VSIG1: variants seen among roughly 807,000 people sequenced by gnomAD.
VSIG1 encodes V-set and immunoglobulin domain-containing protein 1.
In VSIG1, 11 loss-of-function variants were observed where a neutral mutation model predicts 20.1. The observed-to-expected ratio is 0.55, with a 90% CI of 0.34 to 0.91. The LOEUF is 0.91. VSIG1 is among the 40% of genes least tolerant of loss of function. VSIG1 has a pLI of 0.02. For synonymous variants in VSIG1, 126 were observed against 116.7 expected (o/e 1.08, Z -0.52); for missense variants, 283 against 298.8 (o/e 0.95, Z 0.39).
intron 1 of VSIG1, among the ~76,000 whole-genome samples, chrX:108,048,368 C>G (rs1481372464): frequency 9.0e-6 from 1 of 111,705 alleles, no homozygotes; most frequent in Non-Finnish European, 1.9e-5. Flanking sequence ...ATAATAAGCA[C>G]TTTTTTAATT....
At chrX:108,055,946 C>T (rs745779961) in intron 1 of VSIG1, among the ~76,000 whole-genome samples, 1 of 110,707 alleles carries the variant, frequency 9.0e-6, no homozygotes, top group South Asian at 4.0e-4. Context: ...GAATCTGTGC[C>T]ATAAGTCTCT....
Position 108,079,177 on chromosome X carries a change from A to G in VSIG1, c.*1796A>G, listed in dbSNP as rs2031404146. ...TTTATGTATAATAAACCAGACATTTAAAGTGTACAATTTGATGAGTTTTGA... is the reference window on the plus strand; with the variant it reads ...TTTATGTATAATAAACCAGACATTTGAAGTGTACAATTTGATGAGTTTTGA... On this transcript the variant is annotated 3_prime_UTR_variant, in exon 7 of 7. Coordinates refer to ENST00000217957, the MANE Select transcript of VSIG1 (RefSeq NM_182607.5). 1 of 112,465 alleles carries G rather than the reference A, an allele frequency of 8.9e-6. No homozygotes were observed. Among genetic ancestry groups the G allele is most frequent in the Non-Finnish European group, 1.9e-5 (1 of 53,312 alleles). The allele number at this position is 112,465 out of a possible 1,213,427, so 9.3% of individuals were successfully genotyped here. A position where few individuals can be genotyped will look rare whatever the true frequency, so the allele number is the denominator to read the frequency against.
At position 108,077,131 on chromosome X, in the gene VSIG1, C is replaced by T. The variant is rs2031364805; in HGVS notation, c.914C>T (p.Ser305Phe). ...ACCCAACTAGAAGTAACTCTACCAT[C>T]TTCCATTCATGAGACTGGCCCTGAT... ...DATQLEVTLP[S>F]SIHETGPDTI... The change falls in exon 7 of 7, where the codon TCT (serine) becomes TTT (phenylalanine). Residue 305 changes from serine to phenylalanine, a missense_variant. Physicochemically the swap from Ser to Phe is radical, Grantham distance 155. Transcript: ENST00000217957. The T allele has an allele frequency of 8.2e-7, 1 of 1,212,178 alleles. No homozygotes were observed. The highest frequency in any genetic ancestry group is 3.0e-5 in the East Asian group (1 of 33,863).
chrX:108,033,243 A>G, the VSIG1 span, among the ~76,000 whole-genome samples: 2 of 112,320 alleles, frequency 1.8e-5, no homozygotes, highest in Non-Finnish European at 3.8e-5. Flanking sequence ...CAAAAGAGTC[A>G]GGAGACCCAT....
At chrX:108,053,851 A>C (rs995450577) in intron 1 of VSIG1, among the ~76,000 whole-genome samples, 4 of 111,297 alleles carry the variant, frequency 3.6e-5, no homozygotes, top group African/African-American at 1.3e-4. Context: ...TTAATCTCTT[A>C]CTGTGCCTAA....
Position 108,072,788 on chromosome X carries a change from A to G in VSIG1, c.524A>G (p.His175Arg). 5 of 1,211,303 alleles carry G rather than the reference A, an allele frequency of 4.1e-6. No homozygotes were observed. Among genetic ancestry groups the G allele is most frequent in the Non-Finnish European group, 5.6e-6 (5 of 895,374 alleles). Residue 175 changes from histidine to arginine, a missense_variant, in exon 4 of 7, where the codon CAT becomes CGT. His to Arg is a conservative substitution (Grantham distance 29). Transcript: ENST00000217957. ...LGTPSPVYYW[H>R]KLEGRDIVPV... ...ACACCTTCCCCTGTGTACTACTGGC[A>G]TAAACTTGAGGGAAGAGACATCGTG...
the VSIG1 span, among the ~76,000 whole-genome samples, chrX:108,032,818 C>T: frequency 9.0e-6 from 1 of 111,609 alleles, no homozygotes; most frequent in Non-Finnish European, 1.9e-5. Flanking sequence ...AGATCTAGAC[C>T]ATATGCCATC....
the VSIG1 span, among the ~76,000 whole-genome samples, chrX:108,035,878 C>T: frequency 2.8e-5 from 3 of 107,807 alleles, no homozygotes; most frequent in East Asian, 8.7e-4. Context: ...GGCTTTGGAG[C>T]CGTCCCACCT....
intron 3 of VSIG1, among the ~76,000 whole-genome samples, chrX:108,070,188 G>GT (rs761861023): frequency 8.9e-6 from 1 of 112,579 alleles, no homozygotes; most frequent in East Asian, 2.8e-4. Flanking sequence ...TTTAGGGAAG[G>GT]TTTAAGAACC....
chrX:108,057,341 G>A (rs2030921025), intron 1 of VSIG1, among the ~76,000 whole-genome samples: 2 of 106,328 alleles, frequency 1.9e-5, no homozygotes, highest in East Asian at 3.1e-4. Context: ...GTAAATACAC[G>A]AATCTACACA....
chrX:108,032,018 G>C, the VSIG1 span, among the ~76,000 whole-genome samples: 1 of 111,782 alleles, frequency 8.9e-6, no homozygotes, highest in African/African-American at 3.2e-5. Flanking sequence ...TCTTGCACTT[G>C]TTGTTCCCTC....
At chrX:108,047,957 C>CACATATATATATATATATATATATATAT (rs2030675232) in intron 1 of VSIG1, among the ~76,000 whole-genome samples, 1 of 25,890 alleles carries the variant, frequency 3.9e-5, no homozygotes, top group Non-Finnish European at 5.7e-5. Context: ...TATATATACA[C>CACATATATATATATATATATATATATAT]ACACATATAT....
At chrX:108,066,602 C>G (rs773553828) in intron 2 of VSIG1, among the ~76,000 whole-genome samples, 1 of 111,660 alleles carries the variant, frequency 9.0e-6, no homozygotes. Context: ...TAATGAGTTT[C>G]TCTCAGGTGG....
chrX:108,039,249 C>G, the VSIG1 span, among the ~76,000 whole-genome samples: 1 of 112,282 alleles, frequency 8.9e-6, no homozygotes, highest in Middle Eastern at 4.6e-3. Context: ...GTGGCCTGAT[C>G]TGGGCTCACT....
Position 108,066,972 on chromosome X carries a change from G to C in VSIG1, c.250G>C (p.Gly84Arg). The change falls in exon 3 of 7, where the codon GGG (glycine) becomes CGG (arginine). Residue 84 changes from glycine (G) to arginine (R), a missense_variant. By Grantham distance (125) the Gly-to-Arg change is moderately radical. Transcript: ENST00000217957. Reference sequence around the variant, plus strand: ...TCAAGGTGGACAAGCTGTAGCCATCGGGCAATTTAAAGATCGAATTACAGG... The same window carrying C: ...TCAAGGTGGACAAGCTGTAGCCATCCGGCAATTTAAAGATCGAATTACAGG... Reference protein sequence around the residue: ...FSQGGQAVAIGQFKDRITGSN... With the variant: ...FSQGGQAVAIRQFKDRITGSN... The C allele has an allele frequency of 8.3e-7, 1 of 1,211,130 alleles. No homozygotes were observed. Among genetic ancestry groups the C allele is most frequent in the South Asian group, 1.8e-5 (1 of 56,945 alleles).
At chrX:108,049,568 G>A (rs2030741643) in intron 1 of VSIG1, among the ~76,000 whole-genome samples, 1 of 111,632 alleles carries the variant, frequency 9.0e-6, no homozygotes. Context: ...GGGTTTGTGG[G>A]GTTTTGTTTA....
Position 108,066,956 on chromosome X carries a change from A to C in VSIG1, c.234A>C (p.Gly78=). ...TCTAGATTTACTTTTCTCAAGGTGG[A>C]CAAGCTGTAGCCATCGGGCAATTTA... ...EPISIYFSQG[G]QAVAIGQFKD... is the part of the protein sequence containing the mutation. Residue 78 remains glycine, a synonymous_variant, in exon 3 of 7, where the codon GGA becomes GGC. Coordinates refer to ENST00000217957, the MANE Select transcript of VSIG1 (RefSeq NM_182607.5). 1 of 1,211,321 alleles carries C rather than the reference A, an allele frequency of 8.3e-7. No individual in the cohort carries two copies. Among genetic ancestry groups the C allele is most frequent in the Non-Finnish European group, 1.1e-6 (1 of 895,185 alleles).
At chrX:108,057,054 TC>T (rs1331651863) in intron 1 of VSIG1, among the ~76,000 whole-genome samples, 1 of 111,976 alleles carries the variant, frequency 8.9e-6, no homozygotes, top group Non-Finnish European at 1.9e-5. Flanking sequence ...GTACTACAAA[TC>T]AATAAAAAAC....
At chrX:108,061,650 C>T (rs2031028105) in intron 2 of VSIG1, 5 of 568,869 alleles carry the variant, frequency 8.8e-6, no homozygotes, top group Admixed American at 6.1e-5. Context: ...CAATCAAGAT[C>T]AGCACAAGCC....
Sources: allele counts gnomAD v4.1 joint callset (sites outside exome capture counted in the v4.1 genomes callset), GRCh38; gene constraint gnomAD v4.1.1; transcripts MANE v1.5; gene names NCBI Gene and HGNC (gene_info 2026-07-23, HGNC 2026-07-21).